PRDM15: variants seen among roughly 807,000 people sequenced by gnomAD.
PRDM15 encodes the protein PR domain zinc finger protein 15.
A neutral mutation model predicts 128.6 loss-of-function variants in PRDM15; 64 were observed. That is an observed-to-expected ratio of 0.50 (90% CI 0.41 to 0.61). PRDM15 has a LOEUF of 0.61. Among genes scored for constraint, PRDM15 ranks in the 20% least tolerant of loss-of-function variants. The probability of loss-of-function intolerance (pLI) is 0.00; values close to 1 mark genes in which losing one functional copy is unlikely to be tolerated. For synonymous variants in PRDM15, 615 were observed against 621.8 expected (o/e 0.99, Z 0.16); for missense variants, 1,242 against 1,569.1 (o/e 0.79, Z 3.52).
chr21:41,819,482 C>A, intron 18 of PRDM15, 100 bp downstream of exon 18: 1 of 1,183,724 alleles, frequency 8.4e-7, no homozygotes, highest in Non-Finnish European at 1.2e-6. Flanking sequence ...GCCACACCCA[C>A]CTTCCCCACA....
intron 7 of PRDM15, 83 bp downstream of exon 7, chr21:41,839,540 C>G (rs2063003514): frequency 8.5e-7 from 1 of 1,182,718 alleles, no homozygotes; most frequent in Non-Finnish European, 1.3e-6. Flanking sequence ...CCGCCCCGCC[C>G]TCTGCCCCCT....
chr21:41,874,525 A>ATATATATTTTTTTTT, intron 1 of PRDM15, among the ~76,000 whole-genome samples: 9 of 95,816 alleles, frequency 9.4e-5, no homozygotes, highest in South Asian at 4.0e-4. Flanking sequence ...ATATATATAT[A>ATATATATTTTTTTTT]TTTTTTTTTT....
At chr21:41,827,208 G>A (rs76291974) in intron 12 of PRDM15, among the ~76,000 whole-genome samples, 8,362 of 152,182 alleles carry the variant, frequency 0.055, 276 homozygotes, top group East Asian at 0.14. Context: ...AAACGTTGTC[G>A]GTCTTTATGA....
intron 16 of PRDM15, 93 bp downstream of exon 16, chr21:41,820,974 G>A: frequency 1.3e-6 from 2 of 1,508,230 alleles, no homozygotes; most frequent in Non-Finnish European, 1.8e-6. Flanking sequence ...CTTGTTGGAA[G>A]CTACAAATGG....
Position 41,836,564 on chromosome 21 carries a change from T to C in PRDM15, c.1087A>G (p.Lys363Glu). 1 of 1,613,518 alleles carries C rather than the reference T, an allele frequency of 6.2e-7. No individual in the cohort carries two copies. Among genetic ancestry groups the C allele is most frequent in the East Asian group, 2.2e-5 (1 of 44,788 alleles). ...SRHGIRRKLI[K>E]QLGEHKRVYQ... Reference sequence around the variant, plus strand: ...ACCCGCTTGTGCTCCCCGAGCTGTTTGATGAGCTTGCGCCGGATGCCGTGT... The same window carrying C: ...ACCCGCTTGTGCTCCCCGAGCTGTTCGATGAGCTTGCGCCGGATGCCGTGT... The change falls in exon 9 of 24, where the codon AAA becomes GAA. Residue 363 changes from lysine to glutamate, a missense_variant. Physicochemically the swap from Lys to Glu is moderately conservative, Grantham distance 56. Coordinates refer to ENST00000398548, the MANE Select transcript of PRDM15 (RefSeq NM_001040424.3).
intron 23 of PRDM15, 93 bp downstream of exon 23, chr21:41,802,619 A>G (rs2838128): frequency 0.71 from 708,392 of 999,800 alleles, 253,130 homozygotes; most frequent in African/African-American, 0.89. Flanking sequence ...TACACTGTGT[A>G]TAGTAAAAAG....
intron 23 of PRDM15, among the ~76,000 whole-genome samples, 195 bp from the exon 24 acceptor site, chr21:41,801,917 C>T (rs1320660543): frequency 6.6e-5 from 10 of 151,942 alleles, no homozygotes. Flanking sequence ...ATCATGAAAG[C>T]AATGAGAAGG....
Position 41,823,455 on chromosome 21 carries a change from G to A in PRDM15, c.1630-6C>T, listed in dbSNP as rs140933297. ...TTGCTCCGGCAGGAGAACACCTGTG[G>A]CAGAGGAGCCGCATGGTGAGGGGCT... On this transcript the variant is annotated splice_polypyrimidine_tract_variant and splice_region_variant and intron_variant, in intron 13 of 23. Coordinates refer to ENST00000398548, the MANE Select transcript of PRDM15 (RefSeq NM_001040424.3). The A allele has an allele frequency of 1.5e-4, 228 of 1,549,564 alleles. No individual in the cohort carries two copies. The African/African-American group carries it at 2.0e-3, about 14-fold the overall frequency.
In PRDM15 at chr21:41,859,017, T is replaced by C. The variant is rs553675442; in HGVS notation, c.131+575A>G. 3.2e-5 allele frequency: 49 copies of C among 1,542,746 alleles called. No homozygotes were observed. The Admixed American group carries it at 9.5e-4, about 30-fold the overall frequency. On this transcript the variant is annotated intron_variant, in intron 3 of 23. Coordinates refer to ENST00000398548, the MANE Select transcript of PRDM15 (RefSeq NM_001040424.3). This position sits in a 1 kb window ranked among gnomAD's most constrained non-coding sequence, Gnocchi z 5.3. ...CCACCGAGGTCCGGAGAGGAGTGCC[T>C]TGTCCAAGCTCACCTGCCCTGGGCC...
At chr21:41,848,470 T>C (rs9982092) in intron 5 of PRDM15, among the ~76,000 whole-genome samples, 97,893 of 152,096 alleles carry the variant, frequency 0.64, 31,922 homozygotes, top group Admixed American at 0.72. Context: ...CCAGCTTCTG[T>C]TCCCTTTTAC....
intron 11 of PRDM15, among the ~76,000 whole-genome samples, chr21:41,829,268 C>T: frequency 8.1e-6 from 1 of 123,532 alleles, no homozygotes; most frequent in South Asian, 2.2e-4. Context: ...ACATCACACA[C>T]ACACACATGC....
intron 18 of PRDM15, 66 bp from the exon 19 acceptor site, chr21:41,815,902 G>A (rs1313355321): frequency 1.4e-5 from 23 of 1,590,740 alleles, no homozygotes; most frequent in East Asian, 4.5e-5. Flanking sequence ...GCCCATGCCC[G>A]AGACCCTGGG....
chr21:41,834,541 C>A (rs1206051629), intron 11 of PRDM15: 14 of 1,550,054 alleles, frequency 9.0e-6, no homozygotes, highest in Non-Finnish European at 3.5e-6. Flanking sequence ...CCGGGCCCCC[C>A]CTCTCCAGGG....
At chr21:41,819,485 TC>T in intron 18 of PRDM15, 96 bp downstream of exon 18, 1 of 648,910 alleles carries the variant, frequency 1.5e-6, no homozygotes. Context: ...ACACCCACCT[TC>T]CCCACACTCC....
Position 41,828,933 on chromosome 21 carries a change from C to T in PRDM15, c.1367-600G>A, listed in dbSNP as rs982625494. On this transcript the variant is annotated intron_variant, in intron 11 of 23. Transcript: ENST00000398548. This position sits in a 1 kb window ranked among gnomAD's most constrained non-coding sequence, Gnocchi z 5.7. Reference sequence around the variant, plus strand: ...ATACAAACACACTCAACACACACCCCCCACACAAATACACAATCACACACA... The same window carrying T: ...ATACAAACACACTCAACACACACCCTCCACACAAATACACAATCACACACA... Among the ~76,000 whole-genome samples, 1 of 151,344 alleles carries T rather than the reference C, an allele frequency of 6.6e-6. No homozygotes were observed. The highest frequency in any genetic ancestry group is 1.5e-5 in the Non-Finnish European group (1 of 67,872).
At chr21:41,820,356 G>A (rs533346052) in intron 16 of PRDM15, among the ~76,000 whole-genome samples, 182 bp from the exon 17 acceptor site, 18 of 152,298 alleles carry the variant, frequency 1.2e-4, no homozygotes, top group East Asian at 9.7e-4. Flanking sequence ...TTCCTACATC[G>A]AAGTCTTAAC....
At chr21:41,850,816 T>C (rs1293517639) in intron 5 of PRDM15, among the ~76,000 whole-genome samples, 2 of 152,158 alleles carry the variant, frequency 1.3e-5, no homozygotes, top group African/African-American at 2.4e-5. Flanking sequence ...TTTAAAGGGA[T>C]GTGTTACTGC....
At chr21:41,840,175 T>G (rs2063030188) in intron 6 of PRDM15, among the ~76,000 whole-genome samples, 1 of 152,204 alleles carries the variant, frequency 6.6e-6, no homozygotes, top group African/African-American at 2.4e-5. Flanking sequence ...CCAGGCACAG[T>G]GGCTCATGCC....
chr21:41,879,020 C>A lies in PRDM15; in HGVS notation c.-10+250G>T. Reference sequence around the variant, plus strand: ...CCCGGCGGGCGGGCGGCGCGCAGGGCGATCCCGGAGCGGCTCCGGGAAATC... The same window carrying A: ...CCCGGCGGGCGGGCGGCGCGCAGGGAGATCCCGGAGCGGCTCCGGGAAATC... On this transcript the variant is annotated intron_variant, in intron 1 of 23. Coordinates refer to ENST00000398548, the MANE Select transcript of PRDM15 (RefSeq NM_001040424.3). This position sits in a 1 kb window ranked among gnomAD's most constrained non-coding sequence, Gnocchi z 5.1. 3.8e-6 allele frequency: 4 copies of A among 1,065,282 alleles called. No homozygotes were observed. The highest frequency in any genetic ancestry group is 4.6e-6 in the Non-Finnish European group (4 of 866,918). 66.0% of individuals were successfully genotyped at this position (1,065,282 alleles called of 1,614,324 possible).
Sources: allele counts gnomAD v4.1 joint callset (sites outside exome capture counted in the v4.1 genomes callset), GRCh38; gene constraint gnomAD v4.1.1; non-coding constraint Gnocchi (gnomAD v3.1); transcripts MANE v1.5; gene names NCBI Gene and HGNC (gene_info 2026-07-23, HGNC 2026-07-21).